Variants in TACR3 observed in about 807,000 individuals in gnomAD.
The protein encoded by TACR3 is tachykinin receptor 3.
In TACR3, 34 loss-of-function variants were observed where a neutral mutation model predicts 35.0. That is an observed-to-expected ratio of 0.97 (90% CI 0.74 to 1.30). The LOEUF is 1.30. TACR3 is among the 50% of genes most tolerant of loss of function. The pLI is 0.00. For missense variants in TACR3, 558 were observed against 591.7 expected (o/e 0.94, Z 0.59); for synonymous variants, 233 against 221.1 (o/e 1.05, Z -0.48).
chr4:103,603,619 G>A (rs796521117), intron 3 of TACR3, among the ~76,000 whole-genome samples: 1 of 152,330 alleles, frequency 6.6e-6, no homozygotes, highest in African/African-American at 2.4e-5. Context: ...TGTGAACAGT[G>A]CTGCAATAAA....
At chr4:103,636,982 G>A (rs972326792) in intron 3 of TACR3, among the ~76,000 whole-genome samples, 1 of 152,090 alleles carries the variant, frequency 6.6e-6, no homozygotes, top group Non-Finnish European at 1.5e-5. Context: ...GGACCAGATG[G>A]ATTCACAGCC....
At chr4:103,702,343 A>G (rs1395032035) in intron 1 of TACR3, among the ~76,000 whole-genome samples, 2 of 152,192 alleles carry the variant, frequency 1.3e-5, no homozygotes. Flanking sequence ...AATCAAAACC[A>G]CAATGAGATA....
At chr4:103,643,207 A>C (rs376281004) in intron 3 of TACR3, among the ~76,000 whole-genome samples, 1 of 151,894 alleles carries the variant, frequency 6.6e-6, no homozygotes, top group Non-Finnish European at 1.5e-5. Flanking sequence ...AAACTTATTC[A>C]TTTGTTTGTA....
At chr4:103,650,618 TTATATATAAATATATAATATATATTTAA>T (rs1325790656) in intron 3 of TACR3, among the ~76,000 whole-genome samples, 37 of 85,918 alleles carry the variant, frequency 4.3e-4, no homozygotes, top group African/African-American at 1.2e-3. Flanking sequence ...TATAAATATA[TTATATATAAATATATAATATATATTTAA>T]TATATATAAA....
chr4:103,629,826 T>C (rs1468941998), intron 3 of TACR3, among the ~76,000 whole-genome samples: 7 of 134,518 alleles, frequency 5.2e-5, no homozygotes, highest in African/African-American at 1.2e-4. Flanking sequence ...AGAGCCCACA[T>C]TGCCAAGACA....
At chr4:103,596,112 G>A (rs1724009222) in intron 3 of TACR3, among the ~76,000 whole-genome samples, 1 of 148,296 alleles carries the variant, frequency 6.7e-6, no homozygotes, top group South Asian at 2.1e-4. Flanking sequence ...AGTATTCCAT[G>A]GTGTATATGT....
intron 3 of TACR3, among the ~76,000 whole-genome samples, chr4:103,630,269 T>G (rs928582590): frequency 6.6e-6 from 1 of 152,178 alleles, no homozygotes; most frequent in Non-Finnish European, 1.5e-5. Context: ...ATTCAGGACA[T>G]AGGCATGGGC....
intron 1 of TACR3, among the ~76,000 whole-genome samples, chr4:103,713,026 G>A (rs1182870078): frequency 6.6e-6 from 1 of 152,078 alleles, no homozygotes; most frequent in Non-Finnish European, 1.5e-5. Flanking sequence ...CATTGTTGGT[G>A]GAACTGTAAA....
intron 1 of TACR3, among the ~76,000 whole-genome samples, chr4:103,668,729 A>T (rs1725985692): frequency 6.6e-6 from 1 of 151,666 alleles, no homozygotes; most frequent in African/African-American, 2.4e-5. Flanking sequence ...TGCACCTGTA[A>T]TCCCAGCTAC....
At chr4:103,655,766 A>T (rs1725720532) in intron 3 of TACR3, among the ~76,000 whole-genome samples, 1 of 152,048 alleles carries the variant, frequency 6.6e-6, no homozygotes, top group Non-Finnish European at 1.5e-5. Flanking sequence ...ATAGATGTAT[A>T]TTAGAAAATT....
At chr4:103,604,876 T>A (rs1238192450) in intron 3 of TACR3, among the ~76,000 whole-genome samples, 6 of 150,964 alleles carry the variant, frequency 4.0e-5, no homozygotes, top group African/African-American at 9.8e-5. Flanking sequence ...CATGTGCACA[T>A]TGTGCAGGTT....
chr4:103,642,197 T>C (rs1209475453), intron 3 of TACR3, among the ~76,000 whole-genome samples: 1 of 151,134 alleles, frequency 6.6e-6, no homozygotes, highest in African/African-American at 2.4e-5. Context: ...CATCCAAAAA[T>C]ATGGATATAC....
chr4:103,606,493 T>G (rs1012681215), intron 3 of TACR3, among the ~76,000 whole-genome samples: 2 of 152,226 alleles, frequency 1.3e-5, no homozygotes, highest in Non-Finnish European at 2.9e-5. Context: ...TATCCTCTTT[T>G]ATTTCACTGA....
intron 3 of TACR3, among the ~76,000 whole-genome samples, chr4:103,598,999 TG>T (rs1382121142): frequency 2.0e-5 from 3 of 152,178 alleles, no homozygotes; most frequent in African/African-American, 7.2e-5. Flanking sequence ...AGAAAGTCAT[TG>T]GTAGCTTGAT....
intron 3 of TACR3, among the ~76,000 whole-genome samples, chr4:103,640,836 C>A (rs139855219): frequency 6.6e-6 from 1 of 151,932 alleles, no homozygotes; most frequent in African/African-American, 2.4e-5. Flanking sequence ...CAGTGTGGCA[C>A]AGGGAAGCCA....
chr4:103,636,024 T>C (rs1725180308), intron 3 of TACR3, among the ~76,000 whole-genome samples: 1 of 152,006 alleles, frequency 6.6e-6, no homozygotes, highest in Non-Finnish European at 1.5e-5. Context: ...TTTGTGCTCA[T>C]TTGGCTTAAG....
intron 3 of TACR3, among the ~76,000 whole-genome samples, chr4:103,635,476 G>A (rs1048809232): frequency 8.6e-5 from 13 of 151,930 alleles, no homozygotes; most frequent in African/African-American, 3.1e-4. Flanking sequence ...ACAACTCAGA[G>A]CCTAATCATG....
At chr4:103,601,911 TC>T (rs1010896731) in intron 3 of TACR3, among the ~76,000 whole-genome samples, 1 of 152,200 alleles carries the variant, frequency 6.6e-6, no homozygotes, top group African/African-American at 2.4e-5. Flanking sequence ...TCTCTGTATA[TC>T]CTGAGTTTGA....
chr4:103,709,577 G>T (rs1722888577), intron 1 of TACR3, among the ~76,000 whole-genome samples: 1 of 152,086 alleles, frequency 6.6e-6, no homozygotes, highest in Admixed American at 6.6e-5. Flanking sequence ...GACCATCAAT[G>T]CCAGGAAGAA....
Sources: allele counts gnomAD v4.1 joint callset (sites outside exome capture counted in the v4.1 genomes callset), GRCh38; gene constraint gnomAD v4.1.1; transcripts MANE v1.5; gene names NCBI Gene and HGNC (gene_info 2026-07-23, HGNC 2026-07-21).